The following DOCK9 variants were observed in gnomAD, a reference collection of about 807,000 sequenced individuals.
DOCK9 encodes the protein dedicator of cytokinesis 9.
In DOCK9, 89 loss-of-function variants were observed where a neutral mutation model predicts 263.3. The observed-to-expected ratio is 0.34, with a 90% CI of 0.28 to 0.40. DOCK9 has a LOEUF of 0.40. Among genes scored for constraint, DOCK9 ranks in the 10% least tolerant of loss-of-function variants. The probability of loss-of-function intolerance (pLI) is 1.00; values close to 1 mark genes in which losing one functional copy is unlikely to be tolerated. For missense variants in DOCK9, 2,140 were observed against 2,603.4 expected, an observed-to-expected ratio of 0.82 and a Z score of 3.87; for synonymous variants, 976 against 973.1, an observed-to-expected ratio of 1.00 and a Z score of -0.06.
intron 9 of DOCK9, among the ~76,000 whole-genome samples, chr13:98,910,655 T>C (rs967839563): frequency 6.6e-6 from 1 of 152,160 alleles, no homozygotes; most frequent in Non-Finnish European, 1.5e-5. Context: ...TGAAGGAGGT[T>C]AGAGGAGCTG....
chr13:98,925,974 T>G, intron 3 of DOCK9, 55 bp from the exon 4 acceptor site: 1 of 1,418,830 alleles, frequency 7.0e-7, no homozygotes, highest in Non-Finnish European at 9.4e-7. Context: ...ACGTGATTTT[T>G]GGAAAACACT....
In DOCK9 at chr13:98,904,660, T is replaced by A. The variant is rs559482285; in HGVS notation, c.1007A>T (p.Lys336Ile). Residue 336 changes from lysine (K) to isoleucine (I), a missense_variant, in exon 10 of 53, where the codon AAA becomes ATA. By Grantham distance (102) the Lys-to-Ile change is moderately radical (BLOSUM62 -3). This residue lies in a region of DOCK9 where 1,521 missense variants were observed against 1,741.7 expected (regional missense o/e 0.87). Coordinates refer to ENST00000682017, the MANE Select transcript of DOCK9 (RefSeq NM_001366683.2). Reference sequence around the variant, plus strand: ...GGCATCTGGGTCCAAATAAAAAAGTTTGACTCTGCTTTCACTTTTCAGTTT... The same window carrying A: ...GGCATCTGGGTCCAAATAAAAAAGTATGACTCTGCTTTCACTTTTCAGTTT... Reference protein sequence around the residue: ...EIKLKSESRVKLFYLDPDAQK... With the variant: ...EIKLKSESRVILFYLDPDAQK... 1.9e-6 allele frequency: 3 copies of A among 1,557,754 alleles called. No individual in the cohort carries two copies. The highest frequency in any genetic ancestry group is 2.6e-6 in the Non-Finnish European group (3 of 1,149,530).
intron 18 of DOCK9, 82 bp from the exon 19 acceptor site, chr13:98,886,706 C>G: frequency 7.7e-7 from 1 of 1,299,238 alleles, no homozygotes; most frequent in Non-Finnish European, 1.1e-6. Flanking sequence ...AAGGAGGAGG[C>G]ATTCCTACGG....
intron 15 of DOCK9, among the ~76,000 whole-genome samples, chr13:98,889,158 T>A (rs1451816926): frequency 6.6e-6 from 1 of 152,144 alleles, no homozygotes; most frequent in Admixed American, 6.5e-5. Context: ...TTTGGCTCAT[T>A]TAGAATCATC....
chr13:98,946,508 C>T (rs1230623317), intron 2 of DOCK9, among the ~76,000 whole-genome samples: 1 of 152,182 alleles, frequency 6.6e-6, no homozygotes, highest in Non-Finnish European at 1.5e-5. Flanking sequence ...GCAATGCTCT[C>T]CTTCCATTTG....
intron 11 of DOCK9, 60 bp from the exon 12 acceptor site, chr13:98,902,551 G>T: frequency 6.6e-7 from 1 of 1,509,810 alleles, no homozygotes; most frequent in African/African-American, 1.4e-5. Context: ...AAAGAATGTT[G>T]CTATCAAAAG....
intron 27 of DOCK9, among the ~76,000 whole-genome samples, chr13:98,877,822 A>G (rs889180947): frequency 6.6e-6 from 1 of 152,218 alleles, no homozygotes; most frequent in African/African-American, 2.4e-5. Flanking sequence ...TAGGGGCTCA[A>G]TGAATAGTTG....
rs368890622 is a variant in DOCK9 at position 98,823,821 on chromosome 13, C to T, written c.5130+577G>A. ...AAGAAACTGGAATTTGCAGACATTG[C>T]TACGGTGATCTAATGTCAAACTTGC... is the stretch of plus-strand genomic sequence containing the variant. On this transcript the variant is annotated intron_variant, in intron 45 of 52. Transcript: ENST00000682017. 3.0e-4 allele frequency among the ~76,000 whole-genome samples: 46 copies of T among 152,324 alleles called. No homozygotes were observed. In the East Asian group the frequency reaches 6.2e-3, roughly 20 times the overall value.
At chr13:98,824,721 C>G (rs543536354) in intron 44 of DOCK9, among the ~76,000 whole-genome samples, 94 of 152,210 alleles carry the variant, frequency 6.2e-4, no homozygotes, top group Non-Finnish European at 1.3e-3. Context: ...TTTCCTTATC[C>G]CTTTTTATCT....
chr13:98,947,338 T>C (rs1366748499), intron 2 of DOCK9, among the ~76,000 whole-genome samples: 1 of 152,066 alleles, frequency 6.6e-6, no homozygotes, highest in Non-Finnish European at 1.5e-5. Context: ...TAAATAAATA[T>C]ACCCTTAAGC....
intron 35 of DOCK9, among the ~76,000 whole-genome samples, chr13:98,852,000 T>A (rs117954052): frequency 0.034 from 5,226 of 152,324 alleles, 140 homozygotes; most frequent in Middle Eastern, 0.088. Flanking sequence ...TAAAAATATG[T>A]GTATGACTTT....
At chr13:98,947,935 G>C (rs1420031250) in intron 2 of DOCK9, among the ~76,000 whole-genome samples, 3 of 152,176 alleles carry the variant, frequency 2.0e-5, no homozygotes, top group Non-Finnish European at 4.4e-5. Context: ...GAATTTTGAG[G>C]AATTTATGAA....
rs1262675340 is a variant in DOCK9 at position 98,860,420 on chromosome 13, C to T, written c.3682G>A (p.Ala1228Thr). 11 of 1,588,592 alleles carry T rather than the reference C, an allele frequency of 6.9e-6. No individual in the cohort carries two copies. Among genetic ancestry groups the T allele is most frequent in the Non-Finnish European group, 8.6e-6 (10 of 1,166,294 alleles). Residue 1228 changes from alanine to threonine, a missense_variant, in exon 33 of 53, where the codon GCC (alanine) becomes ACC (threonine). Transcript: ENST00000682017. ...GGAGCGTTACCAATGCCGGAGATGG[C>T]GCCCAGCAGGTCCTTGTGCAGGCTG... Reference protein sequence around the residue: ...DNSLHKDLLGAISGIASPYTT... With the variant: ...DNSLHKDLLGTISGIASPYTT...
chr13:98,961,013 T>A (rs529295611), intron 1 of DOCK9, among the ~76,000 whole-genome samples: 1 of 151,852 alleles, frequency 6.6e-6, no homozygotes, highest in Non-Finnish European at 1.5e-5. Flanking sequence ...CCCTGGAGAG[T>A]GGTCATGTGG....
chr13:98,955,644 T>C (rs2057966432), intron 1 of DOCK9, 93 bp from the exon 2 acceptor site: 1 of 843,314 alleles, frequency 1.2e-6, no homozygotes, highest in Non-Finnish European at 1.9e-6. Flanking sequence ...TGTTTTGTAT[T>C]TTCTACAATT....
intron 7 of DOCK9, among the ~76,000 whole-genome samples, chr13:98,917,795 T>C (rs1368060652): frequency 6.6e-6 from 1 of 152,188 alleles, no homozygotes; most frequent in Non-Finnish European, 1.5e-5. Context: ...TTACCAAAGT[T>C]TAACTCAAAT....
At chr13:99,029,807 C>A (rs1488878777) in intron 1 of DOCK9, among the ~76,000 whole-genome samples, 1 of 152,198 alleles carries the variant, frequency 6.6e-6, no homozygotes, top group Non-Finnish European at 1.5e-5. Flanking sequence ...AATGAAAACA[C>A]ATGTCCACAC....
intron 1 of DOCK9, among the ~76,000 whole-genome samples, chr13:99,029,684 T>C (rs1301255377): frequency 1.3e-5 from 2 of 152,154 alleles, no homozygotes; most frequent in African/African-American, 4.8e-5. Flanking sequence ...ACATAGTGAG[T>C]GTTGGCAAGG....
Position 99,033,096 on chromosome 13 carries a change from T to C in DOCK9, c.129+53127A>G, listed in dbSNP as rs546397095. Among the ~76,000 whole-genome samples, 3 of 152,318 alleles carry C rather than the reference T, an allele frequency of 2.0e-5. No individual in the cohort carries two copies. The East Asian group carries it at 5.8e-4, about 29-fold the overall frequency. ...CATATGATGTTTTAAGACATCTGAG[T>C]ACAGGTAGCAGATTTAAACATACAT... is the stretch of plus-strand genomic sequence containing the variant. On this transcript the variant is annotated intron_variant, in intron 1 of 32. Transcript: ENST00000427887.
Sources: gnomAD v4.1 joint callset for allele counts (sites outside exome capture counted in the v4.1 genomes callset) on GRCh38, gnomAD v4.1.1 for gene constraint, gnomAD v4.1.1 regional missense constraint, MANE v1.5 for transcripts, NCBI Gene and HGNC (gene_info 2026-07-23, HGNC 2026-07-21) for gene names.